PIK3CD: variants seen among roughly 807,000 people sequenced by gnomAD.
The protein encoded by PIK3CD is phosphatidylinositol 4,5-bisphosphate 3-kinase catalytic subunit delta isoform.
A neutral mutation model predicts 122.9 loss-of-function variants in PIK3CD; 20 were observed. The observed-to-expected ratio is 0.16, with a 90% confidence interval of 0.11 to 0.24. PIK3CD has a LOEUF of 0.24. Ranked by LOEUF, PIK3CD falls within the 10% of genes least tolerant of loss-of-function variation. The pLI is 1.00. For missense variants in PIK3CD, 787 were observed against 1,406.3 expected, an observed-to-expected ratio of 0.56 and a Z score of 7.04; for synonymous variants, 596 against 593.4, an observed-to-expected ratio of 1.00 and a Z score of -0.06.
intron 1 of PIK3CD, among the ~76,000 whole-genome samples, chr1:9,690,634 A>G (rs1260500770): frequency 6.6e-6 from 1 of 152,200 alleles, no homozygotes; most frequent in African/African-American, 2.4e-5. Flanking sequence ...TCCCCGGAGC[A>G]TCTTTGCAGG....
In PIK3CD at chr1:9,722,550, C is replaced by G. The variant is rs779433261; in HGVS notation, c.2370C>G (p.Thr790=). The G allele has an allele frequency of 3.1e-6, 5 of 1,613,644 alleles. No homozygotes were observed. In the East Asian group the frequency reaches 6.7e-5, roughly 22 times the overall value. ...NGDDLRQDML[T]LQMIQLMDVL... ...CAGACCTCCGGCAGGACATGCTGAC[C>G]CTGCAGATGATCCAGCTCATGGACG... Residue 790 remains threonine (T), a synonymous_variant, in exon 19 of 24, where the codon ACC becomes ACG. Coordinates refer to ENST00000377346, the MANE Select transcript of PIK3CD (RefSeq NM_005026.5). This position sits in a 1 kb window ranked among gnomAD's most constrained non-coding sequence, Gnocchi z 7.6.
At chr1:9,665,732 G>A (rs1331046346) in intron 1 of PIK3CD, among the ~76,000 whole-genome samples, 3 of 151,760 alleles carry the variant, frequency 2.0e-5, no homozygotes, top group South Asian at 4.2e-4. Context: ...TTCAGCTTTC[G>A]TCATCCTATA....
At chr1:9,679,331 G>A (rs1011787165) in intron 1 of PIK3CD, among the ~76,000 whole-genome samples, 3 of 152,078 alleles carry the variant, frequency 2.0e-5, no homozygotes, top group Non-Finnish European at 2.9e-5. Context: ...GCCTGCCAAA[G>A]TGCTGGGATT....
chr1:9,717,219 G>T lies in PIK3CD; in HGVS notation c.930+111G>T. ...AGGGGCCCTTGGTATGGAGAGCTGGGGCTTTGAGCTGGGGAAGCCAACACA... is the reference window on the plus strand; with the variant it reads ...AGGGGCCCTTGGTATGGAGAGCTGGTGCTTTGAGCTGGGGAAGCCAACACA... On this transcript the variant is annotated intron_variant, in intron 7 of 23. Coordinates refer to ENST00000377346, the MANE Select transcript of PIK3CD (RefSeq NM_005026.5). The surrounding 1 kb of genome is among the most constrained non-coding windows in gnomAD (Gnocchi z 5.4). 1 of 1,381,660 alleles carries T rather than the reference G, an allele frequency of 7.2e-7. No homozygotes were observed. The highest frequency in any genetic ancestry group is 1.0e-6 in the Non-Finnish European group (1 of 981,534). 85.6% of individuals were successfully genotyped at this position (1,381,660 alleles called of 1,614,324 possible).
chr1:9,690,889 C>G (rs1646173933), intron 1 of PIK3CD, among the ~76,000 whole-genome samples: 1 of 152,086 alleles, frequency 6.6e-6, no homozygotes, highest in African/African-American at 2.4e-5. Context: ...GGCTGGAGCT[C>G]TAGTGTCTTT....
At chr1:9,630,703 A>AGTGTGTGT in the PIK3CD span, among the ~76,000 whole-genome samples, 1 of 96,948 alleles carries the variant, frequency 1.0e-5, no homozygotes, top group East Asian at 2.6e-4. Context: ...TAGCAAAGAA[A>AGTGTGTGT]GTGAGTGTGT....
chr1:9,722,139 G>C lies in PIK3CD; in HGVS notation c.2220G>C (p.Leu740=). 6.2e-7 allele frequency: 1 copy of C among 1,612,780 alleles called. No homozygotes were observed. Among genetic ancestry groups the C allele is most frequent in the Non-Finnish European group, 8.5e-7 (1 of 1,179,780 alleles). Reference sequence around the variant, plus strand: ...AGTCCCCACTCGACCCCAGCACCCTGCTGGCTGAAGTCTGGTGAGCCCAAG... The same window carrying C: ...AGTCCCCACTCGACCCCAGCACCCTCCTGGCTGAAGTCTGGTGAGCCCAAG... ...HLQSPLDPST[L]LAEVCVEQCT... is the part of the protein sequence containing the mutation. Residue 740 remains leucine, a synonymous_variant, in exon 17 of 24, where the codon CTG becomes CTC. Transcript: ENST00000377346. The surrounding 1 kb of genome is among the most constrained non-coding windows in gnomAD (Gnocchi z 7.6).
the PIK3CD span, among the ~76,000 whole-genome samples, chr1:9,627,823 G>A: frequency 2.6e-5 from 4 of 152,178 alleles, no homozygotes; most frequent in Non-Finnish European, 5.9e-5. Flanking sequence ...AGGGGCCTTC[G>A]ATGCTAAAGG....
chr1:9,691,537 G>C lies in PIK3CD; in HGVS notation c.-67G>C. The stretch of plus-strand genomic sequence containing the variant: ...CATCTTTAATCTGCCAGGCGGAGGG[G>C]GCTTTGCTGGTCTTTCTTGGACTAT... On this transcript the variant is annotated 5_prime_UTR_variant, in exon 2 of 24. Transcript: ENST00000377346. The C allele has an allele frequency of 2.5e-6, 1 of 398,612 alleles. No individual in the cohort carries two copies. The highest frequency in any genetic ancestry group is 4.4e-6 in the Non-Finnish European group (1 of 226,090). 24.7% of individuals were successfully genotyped at this position (398,612 alleles called of 1,614,324 possible).
chr1:9,649,150 C>T (rs1330854129), upstream of PIK3CD, among the ~76,000 whole-genome samples: 2 of 151,460 alleles, frequency 1.3e-5, no homozygotes, highest in Admixed American at 6.6e-5. Flanking sequence ...AAAACTGGAA[C>T]AATTGAGCAA....
chr1:9,629,761 C>T, the PIK3CD span, among the ~76,000 whole-genome samples: 1 of 152,184 alleles, frequency 6.6e-6, no homozygotes, highest in African/African-American at 2.4e-5. Context: ...CCCAGCTCGC[C>T]CTAAGGCTCC....
chr1:9,641,039 G>A, the PIK3CD span, among the ~76,000 whole-genome samples: 1 of 152,102 alleles, frequency 6.6e-6, no homozygotes, highest in African/African-American at 2.4e-5. Context: ...CCCTTCCCCT[G>A]TCTCTCCCCT....
rs1292971200 is a variant in PIK3CD, at chr1:9,723,532, A to G, written c.2594+240A>G. Among the ~76,000 whole-genome samples the G allele has an allele frequency of 6.6e-6, 1 of 152,180 alleles. No individual in the cohort carries two copies. The highest frequency in any genetic ancestry group is 1.5e-5 in the Non-Finnish European group (1 of 68,022). On this transcript the variant is annotated intron_variant, in intron 20 of 23. Transcript: ENST00000377346. This position sits in a 1 kb window ranked among gnomAD's most constrained non-coding sequence, Gnocchi z 4.9. ...GCAGGGCTTTAAAAAACAGCCATTT[A>G]CGATTGGCTCACAGATCTGCAGCTG...
the PIK3CD span, among the ~76,000 whole-genome samples, chr1:9,631,118 T>G: frequency 6.6e-6 from 1 of 152,150 alleles, no homozygotes; most frequent in Admixed American, 6.6e-5. Context: ...CCAGGGACAC[T>G]TCTCAGTGCC....
At chr1:9,693,703 C>T (rs1230774456) in intron 2 of PIK3CD, among the ~76,000 whole-genome samples, 1 of 148,968 alleles carries the variant, frequency 6.7e-6, no homozygotes, top group Non-Finnish European at 1.5e-5. Flanking sequence ...AAAAAAAAAA[C>T]TAGAAAAGTA....
intron 1 of PIK3CD, among the ~76,000 whole-genome samples, chr1:9,676,263 T>C (rs1224730228): frequency 2.0e-5 from 3 of 152,042 alleles, no homozygotes; most frequent in East Asian, 3.9e-4. Context: ...TTTGTAGATA[T>C]GGGGTCTTGC....
chr1:9,639,251 G>T, the PIK3CD span, among the ~76,000 whole-genome samples: 1 of 151,896 alleles, frequency 6.6e-6, no homozygotes, highest in Admixed American at 6.6e-5. Flanking sequence ...GGGGATTCAC[G>T]TGGGGTTACT....
chr1:9,713,350 C>G (rs1647132086), intron 3 of PIK3CD, among the ~76,000 whole-genome samples: 1 of 152,054 alleles, frequency 6.6e-6, no homozygotes, highest in East Asian at 1.9e-4. Flanking sequence ...GTAAAATAAA[C>G]AAGCAAACAA....
At chr1:9,682,405 T>C (rs1452835830) in intron 1 of PIK3CD, among the ~76,000 whole-genome samples, 1 of 151,206 alleles carries the variant, frequency 6.6e-6, no homozygotes, top group Non-Finnish European at 1.5e-5. Flanking sequence ...CTTGGCTAAT[T>C]TTTGGTATTT....
Sources: gnomAD v4.1 joint callset for allele counts (sites outside exome capture counted in the v4.1 genomes callset) on GRCh38, gnomAD v4.1.1 for gene constraint, Gnocchi (gnomAD v3.1) non-coding constraint, MANE v1.5 for transcripts, NCBI Gene and HGNC (gene_info 2026-07-23, HGNC 2026-07-21) for gene names.